The following LTBP3 variants were observed in gnomAD, a reference collection of about 807,000 sequenced individuals.
LTBP3 encodes the protein latent transforming growth factor beta binding protein 3, also known as latent-transforming growth factor beta-binding protein 3.
LTBP3 carries 97 observed loss-of-function variants against 159.7 expected under a neutral mutation model. The observed-to-expected ratio is 0.61, with a 90% CI of 0.52 to 0.72. LTBP3 has a LOEUF of 0.72. Among genes scored for constraint, LTBP3 ranks in the 30% least tolerant of loss-of-function variants. The pLI is 0.00. For synonymous variants in LTBP3, 824 were observed against 777.1 expected, an observed-to-expected ratio of 1.06 and a Z score of -1.00; for missense variants, 1,584 against 1,864.3, an observed-to-expected ratio of 0.85 and a Z score of 2.77.
Position 65,547,982 on chromosome 11 carries a change from G to C in LTBP3, c.1784C>G (p.Pro595Arg), listed in dbSNP as rs141171572. 2 of 1,613,766 alleles carry C rather than the reference G, an allele frequency of 1.2e-6. No homozygotes were observed. The highest frequency in any genetic ancestry group is 1.7e-5 in the Admixed American group (1 of 60,016). ...GGGGTTGCAGTGGCAGGAGTAGTCA[G>C]GGGGGCCCGGCACGCACTCTCCGTG... ...CGHGECVPGPPDYSCHCNPGY... is the reference protein window; with the variant it reads ...CGHGECVPGPRDYSCHCNPGY... Residue 595 changes from proline to arginine, a missense_variant, in exon 12 of 28, where the codon CCT becomes CGT. Coordinates refer to ENST00000301873, the MANE Select transcript of LTBP3 (RefSeq NM_001130144.3). The surrounding 1 kb of genome is among the most constrained non-coding windows in gnomAD (Gnocchi z 4.6).
In LTBP3 at chr11:65,541,678, A is replaced by T. The variant is rs748110254; in HGVS notation, c.2647T>A (p.Cys883Ser). Residue 883 changes from cysteine to serine, a missense_variant, in exon 19 of 28, where the codon TGC becomes AGC. Cys to Ser is a moderately radical substitution (Grantham distance 112). Around this residue, in one of 6 missense-constraint regions of LTBP3, gnomAD observed 565 missense variants for 677.7 expected, o/e 0.83. Coordinates refer to ENST00000301873, the MANE Select transcript of LTBP3 (RefSeq NM_001130144.3). ...DPSLCLPHGA[C>S]KNLQGSYVCV... ...ACATAGGAGCCCTGAAGGTTCTTGC[A>T]GGCCCCATGGGGAAGGCACAGGCTC... 6.2e-7 allele frequency: 1 copy of T among 1,614,104 alleles called. No individual in the cohort carries two copies. Among genetic ancestry groups the T allele is most frequent in the Non-Finnish European group, 8.5e-7 (1 of 1,179,978 alleles).
rs753499466 is a variant in LTBP3, at chr11:65,539,835, C to T, written c.3432G>A (p.Glu1144=). 1.3e-6 allele frequency: 2 copies of T among 1,526,298 alleles called. No homozygotes were observed. Among genetic ancestry groups the T allele is most frequent in the East Asian group, 2.5e-5 (1 of 39,836 alleles). The allele number at this position is 1,526,298 out of a possible 1,614,324, so 94.5% of individuals were successfully genotyped here. ...RRDVCWSQRG[E]DGMCAGPLAG... Reference sequence around the variant, plus strand: ...CCAGGGGGCCAGCGCACATGCCGTCCTCTCCGCGCTGGCTCCAGCACACGT... The same window carrying T: ...CCAGGGGGCCAGCGCACATGCCGTCTTCTCCGCGCTGGCTCCAGCACACGT... The change falls in exon 25 of 28, where the codon GAG becomes GAA. Residue 1144 remains glutamate (E), a synonymous_variant. Coordinates refer to ENST00000301873, the MANE Select transcript of LTBP3 (RefSeq NM_001130144.3).
At position 65,546,562 on chromosome 11, in the gene LTBP3, C is replaced by G; in HGVS notation, c.2233G>C (p.Val745Leu). 1 of 1,602,184 alleles carries G rather than the reference C, an allele frequency of 6.2e-7. No homozygotes were observed. ...RSQGGGACRD[V>L]NECAEGSPCS... ...GGGCTGCCCTCGGCGCACTCGTTCA[C>G]GTCTGCGGCGGAAAGACCTAGCCTC... The change falls in exon 16 of 28, where the codon GTG (valine) becomes CTG (leucine). Residue 745 changes from valine to leucine, a missense_variant and splice_region_variant. Physicochemically the swap from Val to Leu is conservative, Grantham distance 32. This residue lies in a region of LTBP3 where 565 missense variants were observed against 677.7 expected (regional missense o/e 0.83). Coordinates refer to ENST00000301873, the MANE Select transcript of LTBP3 (RefSeq NM_001130144.3). The surrounding 1 kb of genome is among the most constrained non-coding windows in gnomAD (Gnocchi z 4.0).
In LTBP3 at chr11:65,547,967, T is replaced by G; in HGVS notation, c.1799A>C (p.His600Pro). ...ATGTGACCGGTAGCCGGGGTTGCAGTGGCAGGAGTAGTCAGGGGGGCCCGG... is the reference window on the plus strand; with the variant it reads ...ATGTGACCGGTAGCCGGGGTTGCAGGGGCAGGAGTAGTCAGGGGGGCCCGG... ...CVPGPPDYSC[H>P]CNPGYRSHPQ... is the part of the protein sequence containing the mutation. Residue 600 changes from histidine (H) to proline (P), a missense_variant, in exon 12 of 28, where the codon CAC becomes CCC. Transcript: ENST00000301873. This position sits in a 1 kb window ranked among gnomAD's most constrained non-coding sequence, Gnocchi z 4.6. 1 of 1,613,820 alleles carries G rather than the reference T, an allele frequency of 6.2e-7. No individual in the cohort carries two copies.
intron 21 of LTBP3, 125 bp from the exon 22 acceptor site, chr11:65,540,739 C>CGGGGCCTACATGGA: frequency 1.1e-6 from 1 of 897,078 alleles, no homozygotes; most frequent in Non-Finnish European, 1.5e-6. Flanking sequence ...GCCTACAGGG[C>CGGGGCCTACATGGA]GGGGCCTGCG....
intron 21 of LTBP3, 89 bp from the exon 22 acceptor site, chr11:65,540,703 C>CGGGCGGGGCCTACAGGTG: frequency 1.7e-5 from 21 of 1,243,470 alleles, no homozygotes; most frequent in Non-Finnish European, 2.3e-5. Flanking sequence ...AAGCCATCCC[C>CGGGCGGGGCCTACAGGTG]GGGCGGGGCC....
chr11:65,552,471 CT>C lies in LTBP3; in HGVS notation c.1187-66del. 1.3e-6 allele frequency: 2 copies of C among 1,589,962 alleles called. No individual in the cohort carries two copies. The highest frequency in any genetic ancestry group is 1.7e-6 in the Non-Finnish European group (2 of 1,170,322). On this transcript the variant is annotated intron_variant, in intron 6 of 27. Transcript: ENST00000301873. This position sits in a 1 kb window ranked among gnomAD's most constrained non-coding sequence, Gnocchi z 6.0. ...ACATTGCCCACGTCCCTCTGCCCAG[CT>C]GCTGCAGACCTTGCCTCTCCGGCCC...
At chr11:65,541,751 C>T (rs374235712) in intron 18 of LTBP3, 23 bp from the exon 19 acceptor site, 136 of 1,613,548 alleles carry the variant, frequency 8.4e-5, no homozygotes, top group Non-Finnish European at 1.1e-4. Context: ...AGTAGCGCAG[C>T]TGGAAACCCA....
Position 65,546,610 on chromosome 11 carries a change from G to T in LTBP3, c.2231-46C>A. The stretch of plus-strand genomic sequence containing the variant: ...CTCGGACTCTGCCCCACCGGAAGGC[G>T]GACCGCGCACCTCGCGGGGGTGTGG... On this transcript the variant is annotated intron_variant, in intron 15 of 27. Coordinates refer to ENST00000301873, the MANE Select transcript of LTBP3 (RefSeq NM_001130144.3). This position sits in a 1 kb window ranked among gnomAD's most constrained non-coding sequence, Gnocchi z 4.0. The T allele has an allele frequency of 1.3e-6, 2 of 1,597,502 alleles. No individual in the cohort carries two copies. The highest frequency in any genetic ancestry group is 2.2e-5 in the South Asian group (2 of 90,778).
chr11:65,546,587 C>A lies in LTBP3; in HGVS notation c.2231-23G>T. 6.2e-7 allele frequency: 1 copy of A among 1,600,328 alleles called. No individual in the cohort carries two copies. The highest frequency in any genetic ancestry group is 1.7e-5 in the Admixed American group (1 of 59,972). On this transcript the variant is annotated intron_variant, in intron 15 of 27. Coordinates refer to ENST00000301873, the MANE Select transcript of LTBP3 (RefSeq NM_001130144.3). This position sits in a 1 kb window ranked among gnomAD's most constrained non-coding sequence, Gnocchi z 4.0. ...CGTCTGCGGCGGAAAGACCTAGCCT[C>A]GGACTCTGCCCCACCGGAAGGCGGA...
Position 65,547,977 on chromosome 11 carries a change from A to G in LTBP3, c.1789T>C (p.Tyr597His), listed in dbSNP as rs749360411. The change falls in exon 12 of 28, where the codon TAC becomes CAC. Residue 597 changes from tyrosine to histidine, a missense_variant. Transcript: ENST00000301873. This position sits in a 1 kb window ranked among gnomAD's most constrained non-coding sequence, Gnocchi z 4.6. ...HGECVPGPPD[Y>H]SCHCNPGYRS... ...TAGCCGGGGTTGCAGTGGCAGGAGT[A>G]GTCAGGGGGGCCCGGCACGCACTCT... is the stretch of plus-strand genomic sequence containing the variant. 1 of 1,613,800 alleles carries G rather than the reference A, an allele frequency of 6.2e-7. No individual in the cohort carries two copies. The highest frequency in any genetic ancestry group is 1.1e-5 in the South Asian group (1 of 91,086).
intron 11 of LTBP3, chr11:65,548,250 G>T: frequency 1.4e-6 from 1 of 711,498 alleles, no homozygotes. Context: ...CCAGGCCCCT[G>T]ACAGCCGTAT....
At chr11:65,557,545 C>T (rs1456338206) in intron 1 of LTBP3, 84 bp downstream of exon 1, 1 of 1,582,334 alleles carries the variant, frequency 6.3e-7, no homozygotes, top group Non-Finnish European at 8.6e-7. Context: ...AGCCCCCAGT[C>T]TCTAAGGCCA....
At chr11:65,557,535 A>G in intron 1 of LTBP3, 94 bp downstream of exon 1, 1 of 1,552,682 alleles carries the variant, frequency 6.4e-7, no homozygotes, top group Non-Finnish European at 8.8e-7. Flanking sequence ...TTATACCCTC[A>G]GCCCCCAGTC....
At chr11:65,550,830 A>C (rs1160319301) in intron 11 of LTBP3, among the ~76,000 whole-genome samples, 1 of 152,188 alleles carries the variant, frequency 6.6e-6, no homozygotes, top group African/African-American at 2.4e-5. Flanking sequence ...CTCAAAAAAA[A>C]CAAAAAACAA....
chr11:65,541,248 T>C lies in LTBP3; in HGVS notation c.2771A>G (p.Asp924Gly), dbSNP rs773471194. Residue 924 changes from aspartate (D) to glycine (G), a missense_variant, in exon 20 of 28, where the codon GAT becomes GGT. Around this residue, in one of 6 missense-constraint regions of LTBP3, gnomAD observed 565 missense variants for 677.7 expected, o/e 0.83. Transcript: ENST00000301873. ...HHKKECYLNF[D>G]DTVFCDSVLA... ...TACGCTGTCGCAGAACACTGTGTCA[T>C]CGAAGTTCAGGTAGCACTCCTTCTT... The C allele has an allele frequency of 1.6e-5, 26 of 1,613,468 alleles. No individual in the cohort carries two copies. The highest frequency in any genetic ancestry group is 2.2e-5 in the Non-Finnish European group (26 of 1,179,992).
At chr11:65,548,180 C>T in intron 11 of LTBP3, 135 bp from the exon 12 acceptor site, 1 of 1,309,730 alleles carries the variant, frequency 7.6e-7, no homozygotes, top group Non-Finnish European at 1.1e-6. Context: ...CCAGGATGTC[C>T]TATTTCTCTC....
Position 65,554,498 on chromosome 11 carries a change from T to A in LTBP3, c.332-118A>T. 2.6e-6 allele frequency: 2 copies of A among 756,474 alleles called. No individual in the cohort carries two copies. Among genetic ancestry groups the A allele is most frequent in the East Asian group, 5.4e-5 (2 of 37,002 alleles). The allele number at this position is 756,474 out of a possible 1,614,324, so 46.9% of individuals were successfully genotyped here. A position where few individuals can be genotyped will look rare whatever the true frequency, so the allele number is the denominator to read the frequency against. ...GGAAGCCAGGTTTTGAGATACATCC[T>A]ACATAGGGAAACTGCCCTCTCTAGG... On this transcript the variant is annotated intron_variant, in intron 1 of 27. Transcript: ENST00000301873. The surrounding 1 kb of genome is among the most constrained non-coding windows in gnomAD (Gnocchi z 5.3).
At position 65,546,620 on chromosome 11, in the gene LTBP3, C is replaced by T; in HGVS notation, c.2231-56G>A. The T allele has an allele frequency of 2.5e-6, 4 of 1,595,798 alleles. No individual in the cohort carries two copies. Among genetic ancestry groups the T allele is most frequent in the Non-Finnish European group, 2.5e-6 (3 of 1,178,708 alleles). ...GCCCCACCGGAAGGCGGACCGCGCA[C>T]CTCGCGGGGGTGTGGGTCTCTTCCC... On this transcript the variant is annotated intron_variant, in intron 15 of 27. Coordinates refer to ENST00000301873, the MANE Select transcript of LTBP3 (RefSeq NM_001130144.3). This position sits in a 1 kb window ranked among gnomAD's most constrained non-coding sequence, Gnocchi z 4.0.
Sources: gnomAD v4.1 joint callset for allele counts (sites outside exome capture counted in the v4.1 genomes callset) on GRCh38, gnomAD v4.1.1 for gene constraint, gnomAD v4.1.1 regional missense constraint, Gnocchi (gnomAD v3.1) non-coding constraint, MANE v1.5 for transcripts, NCBI Gene and HGNC (gene_info 2026-07-23, HGNC 2026-07-21) for gene names.